ADGRL2: variants seen among roughly 807,000 people sequenced by gnomAD.
ADGRL2 encodes the protein adhesion G protein-coupled receptor L2.
A neutral mutation model predicts 157.4 loss-of-function variants in ADGRL2; 44 were observed. The ratio of observed to expected loss-of-function variants is 0.28; its 90% CI spans 0.22 to 0.36. The LOEUF is 0.36. Ranked by LOEUF, ADGRL2 falls within the 10% of genes least tolerant of loss-of-function variation. The probability of loss-of-function intolerance (pLI) is 1.00; values close to 1 mark genes in which losing one functional copy is unlikely to be tolerated. For synonymous variants in ADGRL2, 585 were observed against 624.7 expected, an observed-to-expected ratio of 0.94 and a Z score of 0.95; for missense variants, 1,510 against 1,768.9, an observed-to-expected ratio of 0.85 and a Z score of 2.63.
chr1:81,365,221 G>A (rs535277450), intron 1 of ADGRL2, among the ~76,000 whole-genome samples: 32 of 152,282 alleles, frequency 2.1e-4, no homozygotes, highest in African/African-American at 7.5e-4. Context: ...CAAAAGGGAG[G>A]CTAGAAGTCA....
intron 3 of ADGRL2, among the ~76,000 whole-genome samples, chr1:81,680,332 G>T (rs200356459): frequency 6.6e-6 from 1 of 152,164 alleles, no homozygotes; most frequent in Non-Finnish European, 1.5e-5. Flanking sequence ...GTTGACAGTT[G>T]CAAAGCAGGT....
At chr1:81,522,897 A>G (rs2079356803) in intron 2 of ADGRL2, among the ~76,000 whole-genome samples, 1 of 152,188 alleles carries the variant, frequency 6.6e-6, no homozygotes, top group South Asian at 2.1e-4. Context: ...ATTTATTTAC[A>G]TTCAAAGGTT....
chr1:81,783,319 G>A (rs1171883443), intron 2 of ADGRL2, among the ~76,000 whole-genome samples: 3 of 151,760 alleles, frequency 2.0e-5, no homozygotes, highest in Admixed American at 6.6e-5. Context: ...TAGTAGAGAC[G>A]GGGTTTCACC....
chr1:81,513,731 T>C (rs2079121270), intron 2 of ADGRL2: 1 of 152,130 alleles, frequency 6.6e-6, no homozygotes, highest in East Asian at 1.9e-4. Flanking sequence ...TCTAAACCAA[T>C]TGGTTCTAAA....
chr1:81,534,243 C>A (rs1002650920), intron 2 of ADGRL2, among the ~76,000 whole-genome samples: 3 of 152,114 alleles, frequency 2.0e-5, no homozygotes, highest in South Asian at 2.1e-4. Flanking sequence ...CTTACTGCAA[C>A]CTCCGCCTCC....
At chr1:81,462,287 T>C (rs185654068) in intron 2 of ADGRL2, among the ~76,000 whole-genome samples, 3 of 152,340 alleles carry the variant, frequency 2.0e-5, no homozygotes, top group South Asian at 2.1e-4. Context: ...CACCCCAGCA[T>C]GCAGCAGCAA....
chr1:81,459,526 A>G (rs926251027), intron 2 of ADGRL2, among the ~76,000 whole-genome samples: 4 of 152,152 alleles, frequency 2.6e-5, no homozygotes, highest in African/African-American at 9.7e-5. Flanking sequence ...AGGTGCAATA[A>G]TATTTCATTG....
chr1:81,707,007 A>G (rs565906987), intron 1 of ADGRL2, among the ~76,000 whole-genome samples: 26 of 152,236 alleles, frequency 1.7e-4, no homozygotes, highest in Admixed American at 1.4e-3. Flanking sequence ...AAATTGGAGG[A>G]ACAGAAGATA....
chr1:81,448,527 C>T (rs2077644581), intron 2 of ADGRL2, among the ~76,000 whole-genome samples: 1 of 151,874 alleles, frequency 6.6e-6, no homozygotes, highest in Non-Finnish European at 1.5e-5. Flanking sequence ...GCCTCTACAC[C>T]CCCTGATCTC....
At chr1:81,714,805 A>G (rs1159652559) in intron 1 of ADGRL2, among the ~76,000 whole-genome samples, 1 of 151,852 alleles carries the variant, frequency 6.6e-6, no homozygotes, top group Non-Finnish European at 1.5e-5. Context: ...TAATTGTGGC[A>G]GGTAGTCACT....
At chr1:81,743,393 GTTT>G (rs5775639) in intron 1 of ADGRL2, among the ~76,000 whole-genome samples, 14,737 of 136,798 alleles carry the variant, frequency 0.11, 862 homozygotes, top group African/African-American at 0.16. Context: ...ATAACAGAAG[GTTT>G]TTTTTTTTTT....
chr1:81,775,595 A>AT (rs1337963973), intron 2 of ADGRL2, among the ~76,000 whole-genome samples: 6 of 152,186 alleles, frequency 3.9e-5, no homozygotes, highest in South Asian at 4.1e-4. Context: ...AAAAAAAAAA[A>AT]AAAAAGTGTG....
intron 2 of ADGRL2, among the ~76,000 whole-genome samples, chr1:81,861,890 G>GA (rs1035307729): frequency 2.9e-4 from 40 of 139,470 alleles, no homozygotes; most frequent in East Asian, 4.2e-4. Flanking sequence ...CTCAAAAGAA[G>GA]AAAAAAAAAA....
chr1:81,897,520 G>A (rs1369951279), intron 2 of ADGRL2, among the ~76,000 whole-genome samples: 1 of 152,030 alleles, frequency 6.6e-6, no homozygotes, highest in Non-Finnish European at 1.5e-5. Flanking sequence ...GAAGTTTTTA[G>A]GTAGGAGAAA....
At position 81,684,813 on chromosome 1, in the gene ADGRL2, G is replaced by A. The variant is rs1215274733; in HGVS notation, c.-142-76998G>A. Among the ~76,000 whole-genome samples the A allele has an allele frequency of 2.0e-5, 3 of 152,260 alleles. No homozygotes were observed. In the South Asian group the frequency reaches 6.2e-4, roughly 32 times the overall value. On this transcript the variant is annotated intron_variant, in intron 3 of 24. Transcript: ENST00000370721. ...CATCTTGAGTTGATATTTGTATAAG[G>A]TAAGAGATGAGGATCCAGTTTCATT... is the stretch of plus-strand genomic sequence containing the variant.
chr1:81,371,428 C>T (rs549231169), intron 1 of ADGRL2, among the ~76,000 whole-genome samples: 6 of 152,260 alleles, frequency 3.9e-5, no homozygotes, highest in African/African-American at 1.4e-4. Flanking sequence ...TGTAGAATGA[C>T]ATCTGGGTTT....
intron 18 of ADGRL2, 81 bp from the exon 19 acceptor site, chr1:81,981,727 C>A: frequency 9.0e-7 from 1 of 1,108,214 alleles, no homozygotes; most frequent in Non-Finnish European, 1.3e-6. Context: ...TCAACTGCTA[C>A]TACTGATATG....
At chr1:81,435,656 A>G (rs1293931870) in intron 1 of ADGRL2, among the ~76,000 whole-genome samples, 4 of 152,258 alleles carry the variant, frequency 2.6e-5, no homozygotes, top group Non-Finnish European at 5.9e-5. Context: ...ACACATATTT[A>G]TATAAATTCA....
intron 2 of ADGRL2, among the ~76,000 whole-genome samples, chr1:81,525,599 T>TGAGC (rs1251314626): frequency 6.6e-6 from 1 of 152,224 alleles, no homozygotes; most frequent in Admixed American, 6.5e-5. Flanking sequence ...ATTACAGGCA[T>TGAGC]GAGCCACCAT....
Sources: allele counts gnomAD v4.1 joint callset (sites outside exome capture counted in the v4.1 genomes callset), GRCh38; gene constraint gnomAD v4.1.1; transcripts MANE v1.5; gene names NCBI Gene and HGNC (gene_info 2026-07-23, HGNC 2026-07-21).